Variants in PCDH7 observed in about 807,000 individuals in gnomAD.
PCDH7 encodes protocadherin-7.
PCDH7 carries 17 observed loss-of-function variants against 58.9 expected under a neutral mutation model. The ratio of observed to expected loss-of-function variants is 0.29; its 90% CI spans 0.20 to 0.43. The LOEUF (loss-of-function observed/expected upper bound fraction) is 0.43, where lower values mean the gene tolerates loss of function less well. Among genes scored for constraint, PCDH7 ranks in the 20% least tolerant of loss-of-function variants. PCDH7 has a pLI of 1.00. For missense variants in PCDH7, 1,274 were observed against 1,441.0 expected (o/e 0.88, Z 1.88); for synonymous variants, 664 against 616.4 (o/e 1.08, Z -1.14).
chr4:30,902,488 A>G (rs1437243352), intron 1 of PCDH7, among the ~76,000 whole-genome samples: 2 of 152,146 alleles, frequency 1.3e-5, no homozygotes, highest in African/African-American at 2.4e-5. Flanking sequence ...TATTAATGCT[A>G]TTTCTTAATA....
intron 3 of PCDH7, among the ~76,000 whole-genome samples, chr4:31,129,754 T>A (rs1468214592): frequency 2.0e-5 from 3 of 152,064 alleles, no homozygotes; most frequent in Non-Finnish European, 4.4e-5. Flanking sequence ...GGCCTCGGCC[T>A]CCTGAGTAGC....
chr4:31,013,060 G>T lies in PCDH7; in HGVS notation c.*7+62845G>T, dbSNP rs1452690332. Among the ~76,000 whole-genome samples, 6 of 150,194 alleles carry T rather than the reference G, an allele frequency of 4.0e-5. 1 individual carries two copies. Among genetic ancestry groups the T allele is most frequent in the African/African-American group, 1.5e-4 (6 of 41,272 alleles). On this transcript the variant is annotated intron_variant, in intron 3 of 3. Transcript: ENST00000509759. Reference sequence around the variant, plus strand: ...AAATTAGCCAGGCATAGTGGCACATGGCTGTAGTCCCAAATACTCTAGAGG... The same window carrying T: ...AAATTAGCCAGGCATAGTGGCACATTGCTGTAGTCCCAAATACTCTAGAGG...
chr4:31,000,443 AG>A (rs1752273356), intron 3 of PCDH7, among the ~76,000 whole-genome samples: 1 of 152,152 alleles, frequency 6.6e-6, no homozygotes, highest in African/African-American at 2.4e-5. Flanking sequence ...AGTTTTGAAT[AG>A]ATTGCTATAT....
intron 1 of PCDH7, among the ~76,000 whole-genome samples, chr4:30,827,972 G>T (rs535891102): frequency 4.6e-5 from 7 of 152,230 alleles, no homozygotes; most frequent in Admixed American, 1.3e-4. Flanking sequence ...TTATTAGCTT[G>T]TGATCCCTGG....
intron 3 of PCDH7, among the ~76,000 whole-genome samples, chr4:31,025,111 A>G (rs1452636632): frequency 6.6e-6 from 1 of 152,156 alleles, no homozygotes; most frequent in Non-Finnish European, 1.5e-5. Flanking sequence ...GATCCTGTTT[A>G]TGGTGCTGGT....
intron 3 of PCDH7, among the ~76,000 whole-genome samples, chr4:31,138,136 A>G (rs1719836853): frequency 8.6e-6 from 1 of 116,736 alleles, no homozygotes; most frequent in Non-Finnish European, 1.7e-5. Context: ...TTTCCTTGTT[A>G]TTTCTAAAGA....
chr4:30,922,190 A>G (rs1423978471), intron 2 of PCDH7, among the ~76,000 whole-genome samples: 2 of 151,588 alleles, frequency 1.3e-5, no homozygotes, highest in Non-Finnish European at 2.9e-5. Context: ...GTACATATGT[A>G]TGTAATTACA....
chr4:30,735,955 C>T (rs946265363), downstream of PCDH7, among the ~76,000 whole-genome samples: 16 of 152,144 alleles, frequency 1.1e-4, no homozygotes, highest in African/African-American at 3.9e-4. Flanking sequence ...TTCAGTCTAA[C>T]TGCTTCATCT....
At chr4:30,873,086 G>A (rs1280928453) in intron 1 of PCDH7, among the ~76,000 whole-genome samples, 3 of 152,034 alleles carry the variant, frequency 2.0e-5, no homozygotes, top group Non-Finnish European at 4.4e-5. Context: ...TCAGGCCTGA[G>A]TGTTCTTTTT....
intron 3 of PCDH7, among the ~76,000 whole-genome samples, chr4:31,135,840 C>T (rs950677473): frequency 6.6e-6 from 1 of 152,104 alleles, no homozygotes; most frequent in Non-Finnish European, 1.5e-5. Flanking sequence ...GAAGGGGGAA[C>T]AAGATCCTTT....
At chr4:30,946,380 A>T (rs555237249) in intron 2 of PCDH7, among the ~76,000 whole-genome samples, 1 of 152,034 alleles carries the variant, frequency 6.6e-6, no homozygotes, top group Admixed American at 6.6e-5. Context: ...CCTATCAAGG[A>T]TGTGTTCTGT....
intron 1 of PCDH7, among the ~76,000 whole-genome samples, chr4:30,917,076 A>G (rs1742572651): frequency 6.6e-6 from 1 of 152,126 alleles, no homozygotes; most frequent in African/African-American, 2.4e-5. Flanking sequence ...TCTGCTTTAC[A>G]TTTCTGCTTT....
chr4:31,025,632 T>G (rs914228809), intron 3 of PCDH7, among the ~76,000 whole-genome samples: 2 of 152,328 alleles, frequency 1.3e-5, no homozygotes, highest in Middle Eastern at 6.8e-3. Flanking sequence ...TACTAGAAAA[T>G]TAATCTAAAA....
intron 1 of PCDH7, among the ~76,000 whole-genome samples, chr4:30,916,955 C>T (rs941970323): frequency 2.0e-5 from 3 of 152,276 alleles, no homozygotes; most frequent in Non-Finnish European, 4.4e-5. Flanking sequence ...TACTAAGTCA[C>T]ATCTAGGTTG....
intron 1 of PCDH7, among the ~76,000 whole-genome samples, chr4:30,822,669 G>C (rs1234882870): frequency 6.6e-6 from 1 of 151,896 alleles, no homozygotes; most frequent in African/African-American, 2.4e-5. Context: ...TTAAACACTG[G>C]TGCTTCTTGT....
At chr4:30,725,227 C>T (rs1456170164) in intron 1 of PCDH7, 5 of 985,874 alleles carry the variant, frequency 5.1e-6, no homozygotes, top group African/African-American at 1.8e-5. Flanking sequence ...CTATAATAAT[C>T]GATACCTATA....
chr4:31,022,118 T>A (rs973268653), intron 3 of PCDH7, among the ~76,000 whole-genome samples: 1 of 152,176 alleles, frequency 6.6e-6, no homozygotes, highest in Admixed American at 6.5e-5. Context: ...CAAAGGCTTC[T>A]TAATAGTTAA....
At chr4:30,812,576 G>A (rs1020747402) in intron 1 of PCDH7, among the ~76,000 whole-genome samples, 10 of 152,012 alleles carry the variant, frequency 6.6e-5, no homozygotes, top group Non-Finnish European at 1.5e-4. Context: ...ATTCTGTTAA[G>A]CTATTTTCAA....
chr4:30,791,204 C>T (rs918469694), intron 1 of PCDH7, among the ~76,000 whole-genome samples: 3 of 152,026 alleles, frequency 2.0e-5, no homozygotes, highest in African/African-American at 2.4e-5. Context: ...GTTACAATGT[C>T]GTGTGCTAAA....
Sources: gnomAD v4.1 joint callset for allele counts (sites outside exome capture counted in the v4.1 genomes callset) on GRCh38, gnomAD v4.1.1 for gene constraint, MANE v1.5 for transcripts, NCBI Gene and HGNC (gene_info 2026-07-23, HGNC 2026-07-21) for gene names.